Variants in CPAP observed in about 807,000 individuals in gnomAD.
CPAP encodes centrosomal P4.1-associated protein.
the CPAP span, chr13:24,909,963 G>A: frequency 6.2e-7 from 1 of 1,614,174 alleles, no homozygotes; most frequent in Admixed American, 1.7e-5. Flanking sequence ...GGACGGGTAT[G>A]TTTCTTCCTG....
the CPAP span, chr13:24,883,963 C>T: frequency 6.2e-6 from 10 of 1,614,054 alleles, no homozygotes; most frequent in South Asian, 4.4e-5. Context: ...GTTGCCATAC[C>T]GTTGTACTCT....
the CPAP span, chr13:24,886,382 G>T: frequency 7.8e-7 from 1 of 1,288,726 alleles, no homozygotes; most frequent in Non-Finnish European, 1.0e-6. Flanking sequence ...CGGCTGTGCT[G>T]TGCCTGTGAG....
the CPAP span, among the ~76,000 whole-genome samples, chr13:24,921,220 G>A: frequency 6.6e-6 from 1 of 152,202 alleles, no homozygotes; most frequent in African/African-American, 2.4e-5. Flanking sequence ...TGCTGCAATT[G>A]TAGGACTAAT....
At chr13:24,882,422 T>A in the CPAP span, 1 of 152,018 alleles carries the variant, frequency 6.6e-6, no homozygotes, top group Admixed American at 6.6e-5. Context: ...AATTTACAAG[T>A]AAGTAAGTAA....
the CPAP span, among the ~76,000 whole-genome samples, chr13:24,931,306 CT>C: frequency 1.7e-4 from 12 of 72,656 alleles, 1 homozygote; most frequent in African/African-American, 6.5e-4. Flanking sequence ...TTTCATGTTT[CT>C]TTTTTTTTTT....
chr13:24,911,703 ATT>A, the CPAP span, among the ~76,000 whole-genome samples: 800 of 135,144 alleles, frequency 5.9e-3, 22 homozygotes, highest in East Asian at 0.086. Context: ...CACCCAGCTC[ATT>A]TTTTTTTTTT....
the CPAP span, among the ~76,000 whole-genome samples, chr13:24,912,297 T>C: frequency 6.6e-6 from 1 of 152,204 alleles, no homozygotes; most frequent in Non-Finnish European, 1.5e-5. Flanking sequence ...ATATAAATCC[T>C]TTGATTGTTA....
At chr13:24,907,812 G>A in the CPAP span, among the ~76,000 whole-genome samples, 2 of 152,132 alleles carry the variant, frequency 1.3e-5, no homozygotes, top group Admixed American at 6.5e-5. Flanking sequence ...AAAAAGCTTC[G>A]AGAATACAAT....
At chr13:24,907,091 C>A in the CPAP span, 1 of 1,612,740 alleles carries the variant, frequency 6.2e-7, no homozygotes, top group South Asian at 1.1e-5. Context: ...AATTGCTGAC[C>A]TTCAGCTGTT....
At chr13:24,882,483 T>TC in the CPAP span, 1 of 131,262 alleles carries the variant, frequency 7.6e-6, no homozygotes, top group Non-Finnish European at 1.7e-5. Context: ...GCTACAGTAA[T>TC]CTCACTGTGG....
chr13:24,884,886 G>C, the CPAP span, among the ~76,000 whole-genome samples: 3,057 of 152,246 alleles, frequency 0.02, 106 homozygotes, highest in African/African-American at 0.071. Flanking sequence ...CCTCTAACCT[G>C]TATATATCCC....
the CPAP span, among the ~76,000 whole-genome samples, chr13:24,892,275 A>G: frequency 6.6e-6 from 1 of 152,210 alleles, no homozygotes; most frequent in African/African-American, 2.4e-5. Flanking sequence ...TGATCTGCCT[A>G]CTGTGGCAAA....
chr13:24,925,616 G>A, the CPAP span, among the ~76,000 whole-genome samples: 2 of 152,136 alleles, frequency 1.3e-5, no homozygotes, highest in Admixed American at 1.3e-4. Context: ...AAGAAAAAAA[G>A]TGGGGGAGGA....
chr13:24,930,437 A>G, the CPAP span, among the ~76,000 whole-genome samples: 1 of 152,126 alleles, frequency 6.6e-6, no homozygotes, highest in Non-Finnish European at 1.5e-5. Context: ...TTGTACCAAT[A>G]GTTTTTTCAA....
the CPAP span, among the ~76,000 whole-genome samples, chr13:24,893,295 C>A: frequency 6.6e-6 from 1 of 152,234 alleles, no homozygotes; most frequent in African/African-American, 2.4e-5. Context: ...TGAAAACTAT[C>A]TGAAATTCAT....
chr13:24,896,218 T>C, the CPAP span, among the ~76,000 whole-genome samples: 9 of 151,844 alleles, frequency 5.9e-5, no homozygotes, highest in African/African-American at 1.7e-4. Flanking sequence ...ACGAACAGGG[T>C]CCAAACTTCA....
the CPAP span, among the ~76,000 whole-genome samples, chr13:24,899,947 G>A: frequency 0.15 from 21,708 of 144,330 alleles, 2,046 homozygotes; most frequent in Admixed American, 0.27. Context: ...GGGCGACACA[G>A]ACAGACTCTG....
the CPAP span, chr13:24,885,784 G>A: frequency 5.3e-6 from 4 of 755,376 alleles, no homozygotes; most frequent in East Asian, 8.1e-5. Flanking sequence ...TTATCCATTA[G>A]TTAAGGATGT....
chr13:24,899,456 C>A, the CPAP span: 1 of 1,613,682 alleles, frequency 6.2e-7, no homozygotes, highest in Non-Finnish European at 8.5e-7. Context: ...TGGAAAAGTT[C>A]TTGCAGCTGT....
Sources: gnomAD v4.1 joint callset for allele counts (sites outside exome capture counted in the v4.1 genomes callset) on GRCh38, gnomAD v4.1.1 for gene constraint, MANE v1.5 for transcripts, NCBI Gene and HGNC (gene_info 2026-07-23, HGNC 2026-07-21) for gene names.